Variants in PTPRD observed in about 807,000 individuals in gnomAD.
PTPRD encodes the protein protein tyrosine phosphatase receptor type D, also known as receptor-type tyrosine-protein phosphatase delta.
Under a neutral mutation model 214.5 loss-of-function variants are expected in PTPRD, and 34 were observed. That is an observed-to-expected ratio of 0.16 (90% confidence interval 0.12 to 0.21). The LOEUF is 0.21. Among genes scored for constraint, PTPRD ranks in the 10% least tolerant of loss-of-function variants. PTPRD has a pLI of 1.00. For synonymous variants in PTPRD, 1,128 were observed against 845.7 expected, an observed-to-expected ratio of 1.33 and a Z score of -5.79; for missense variants, 2,545 against 2,398.7, an observed-to-expected ratio of 1.06 and a Z score of -1.27.
chr9:8,561,509 T>G (rs1564358840), intron 14 of PTPRD, among the ~76,000 whole-genome samples: 1 of 152,044 alleles, frequency 6.6e-6, no homozygotes. Flanking sequence ...TGGGCTAGGG[T>G]GCACCCAGCT....
At chr9:9,141,736 T>A (rs2099860787) in intron 10 of PTPRD, among the ~76,000 whole-genome samples, 1 of 150,538 alleles carries the variant, frequency 6.6e-6, no homozygotes, top group Admixed American at 6.6e-5. Flanking sequence ...AATGTAAACA[T>A]ATATTTATAT....
intron 3 of PTPRD, among the ~76,000 whole-genome samples, chr9:10,161,318 A>G (rs1006248482): frequency 6.6e-6 from 1 of 151,912 alleles, no homozygotes; most frequent in Non-Finnish European, 1.5e-5. Flanking sequence ...CTAGGAAGCT[A>G]TAGTAAATTG....
At chr9:10,052,538 G>C (rs2097552417) in intron 3 of PTPRD, among the ~76,000 whole-genome samples, 1 of 152,034 alleles carries the variant, frequency 6.6e-6, no homozygotes, top group South Asian at 2.1e-4. Context: ...TTATATTTCA[G>C]GTATTGTAAA....
At chr9:10,223,855 C>T (rs1013805345) in intron 3 of PTPRD, among the ~76,000 whole-genome samples, 65 of 151,276 alleles carry the variant, frequency 4.3e-4, no homozygotes, top group African/African-American at 1.6e-3. Context: ...TGGAAAAGTG[C>T]TATAAGAAAA....
At chr9:10,272,804 T>A (rs1595866881) in intron 3 of PTPRD, among the ~76,000 whole-genome samples, 1 of 152,222 alleles carries the variant, frequency 6.6e-6, no homozygotes, top group South Asian at 2.1e-4. Flanking sequence ...TTTGCCTTTT[T>A]AAAATTCTAA....
In PTPRD at chr9:10,154,406, AT is replaced by A. The variant is rs1226570241; in HGVS notation, c.-544-120617del. Among the ~76,000 whole-genome samples the A allele has an allele frequency of 4.6e-5, 7 of 152,284 alleles. No homozygotes were observed. The East Asian group carries it at 1.4e-3, about 29-fold the overall frequency. Reference sequence around the variant, plus strand: ...GTACAATTTGAACAAAAATTCTGCCATTCTGTAGGTTATCTGTTTATGAATA... The same window carrying A: ...GTACAATTTGAACAAAAATTCTGCCATCTGTAGGTTATCTGTTTATGAATA... On this transcript the variant is annotated intron_variant, in intron 3 of 45. Coordinates refer to ENST00000381196, the MANE Select transcript of PTPRD (RefSeq NM_002839.4).
chr9:8,787,379 T>C (rs1043826878), intron 11 of PTPRD, among the ~76,000 whole-genome samples: 1 of 152,210 alleles, frequency 6.6e-6, no homozygotes, highest in East Asian at 1.9e-4. Flanking sequence ...TACTAACCCC[T>C]TAAACATCCC....
Position 10,538,287 on chromosome 9 carries a change from TAAATAAATAA to T in PTPRD, c.-600+74101_-600+74110del, listed in dbSNP as rs1259888977. Among the ~76,000 whole-genome samples, 1,063 of 132,496 alleles carry T rather than the reference TAAATAAATAA, an allele frequency of 8.0e-3. 12 individuals carry two copies. Among genetic ancestry groups the T allele is most frequent in the African/African-American group, 0.029 (1,025 of 35,858 alleles). The allele number at this position is 132,496 out of a possible 152,430, so 86.9% of individuals were successfully genotyped here. A position where few individuals can be genotyped will look rare whatever the true frequency, so the allele number is the denominator to read the frequency against. ...ATAAATAAATAAATAAATAAATAAA[TAAATAAATAA>T]AAAGGGAGAGGAGTGGTTCTGTAAA... is the stretch of plus-strand genomic sequence containing the variant. On this transcript the variant is annotated intron_variant, in intron 2 of 45. Transcript: ENST00000381196.
chr9:9,229,052 G>A (rs972517646), intron 9 of PTPRD, among the ~76,000 whole-genome samples: 1 of 152,046 alleles, frequency 6.6e-6, no homozygotes, highest in African/African-American at 2.4e-5. Context: ...ATTAAGGCTA[G>A]AAGTGAAAAG....
Position 9,507,676 on chromosome 9 carries a change from A to G in PTPRD, c.-237+67056T>C, listed in dbSNP as rs190906461. On this transcript the variant is annotated intron_variant, in intron 8 of 45. Transcript: ENST00000381196. ...CTAAAAATAATTATCATTAGTAAAGACAATTAGGTCATTTCTGCTGTAACA... is the reference window on the plus strand; with the variant it reads ...CTAAAAATAATTATCATTAGTAAAGGCAATTAGGTCATTTCTGCTGTAACA... 4.6e-4 allele frequency among the ~76,000 whole-genome samples: 69 copies of G among 151,608 alleles called. 1 individual carries two copies. The highest frequency in any genetic ancestry group is 2.2e-3 in the Admixed American group (34 of 15,168).
At chr9:9,078,469 C>A (rs549607483) in intron 10 of PTPRD, among the ~76,000 whole-genome samples, 1 of 152,126 alleles carries the variant, frequency 6.6e-6, no homozygotes, top group Non-Finnish European at 1.5e-5. Context: ...AAGGGCTGAC[C>A]AAGTTCTTAA....
chr9:8,486,483 G>A, intron 27 of PTPRD, 134 bp from the exon 28 acceptor site: 1 of 811,462 alleles, frequency 1.2e-6, no homozygotes, highest in South Asian at 1.4e-5. Flanking sequence ...AACAGGCAAT[G>A]TTTGACCTAC....
At chr9:9,024,584 A>C (rs925022817) in intron 10 of PTPRD, among the ~76,000 whole-genome samples, 8 of 151,856 alleles carry the variant, frequency 5.3e-5, no homozygotes, top group African/African-American at 1.9e-4. Context: ...TGAAGCTAAT[A>C]GTAGATATTA....
chr9:8,350,426 T>C (rs564661183), intron 39 of PTPRD, among the ~76,000 whole-genome samples: 4 of 152,322 alleles, frequency 2.6e-5, no homozygotes, highest in African/African-American at 9.6e-5. Context: ...TGATTGGATA[T>C]AGTTCACCTA....
chr9:8,518,047 G>A lies in PTPRD; in HGVS notation c.1344C>T (p.Ile448=). 2 of 1,614,156 alleles carry A rather than the reference G, an allele frequency of 1.2e-6. No homozygotes were observed. The highest frequency in any genetic ancestry group is 1.7e-6 in the Non-Finnish European group (2 of 1,180,026). ...WKEPEEPNGQ[I]QGYRVYYTMD... is the part of the protein sequence containing the mutation. ...TTGTATAATAAACTCTATATCCTTG[G>A]ATCTGTCCATTTGGCTCTTCAGGTT... The change falls in exon 21 of 46, where the codon ATC becomes ATT. Residue 448 remains isoleucine (I), a synonymous_variant. Transcript: ENST00000381196.
chr9:10,167,452 T>C (rs1239727030), intron 3 of PTPRD, among the ~76,000 whole-genome samples: 1 of 152,182 alleles, frequency 6.6e-6, no homozygotes, highest in Non-Finnish European at 1.5e-5. Flanking sequence ...AAAACCCATA[T>C]ATGTATTACA....
At chr9:8,403,886 G>C (rs2092701218) in intron 36 of PTPRD, among the ~76,000 whole-genome samples, 1 of 152,104 alleles carries the variant, frequency 6.6e-6, no homozygotes, top group African/African-American at 2.4e-5. Flanking sequence ...TTTAGTTTAT[G>C]GGCCTCTTCT....
chr9:9,005,174 T>C (rs1284510371), intron 11 of PTPRD, among the ~76,000 whole-genome samples: 1 of 152,096 alleles, frequency 6.6e-6, no homozygotes, highest in Non-Finnish European at 1.5e-5. Context: ...AGGAGCTTAA[T>C]AATAAGCCAG....
At chr9:9,566,866 T>C (rs2084707346) in intron 8 of PTPRD, among the ~76,000 whole-genome samples, 1 of 152,048 alleles carries the variant, frequency 6.6e-6, no homozygotes, top group Non-Finnish European at 1.5e-5. Context: ...GCTCTGCTTA[T>C]GTACACTGAC....
Sources: allele counts gnomAD v4.1 joint callset (sites outside exome capture counted in the v4.1 genomes callset), GRCh38; gene constraint gnomAD v4.1.1; transcripts MANE v1.5; gene names NCBI Gene and HGNC (gene_info 2026-07-23, HGNC 2026-07-21).